The following CREB1 variants were observed in gnomAD, a reference collection of about 807,000 sequenced individuals.
CREB1 encodes the protein cyclic AMP-responsive element-binding protein 1.
Under a neutral mutation model 42.0 loss-of-function variants are expected in CREB1, and 2 were observed. The observed-to-expected ratio is 0.05, with a 90% confidence interval of 0.02 to 0.15. The LOEUF (loss-of-function observed/expected upper bound fraction) is 0.15, where lower values mean the gene tolerates loss of function less well. Among genes scored for constraint, CREB1 ranks in the 10% least tolerant of loss-of-function variants. The pLI is 1.00. For synonymous variants in CREB1, 123 were observed against 139.9 expected, an observed-to-expected ratio of 0.88 and a Z score of 0.85; for missense variants, 199 against 388.9, an observed-to-expected ratio of 0.51 and a Z score of 4.11.
At chr2:207,589,079 G>T (rs1360683130) in intron 7 of CREB1, among the ~76,000 whole-genome samples, 1 of 152,030 alleles carries the variant, frequency 6.6e-6, no homozygotes, top group Admixed American at 6.6e-5. Flanking sequence ...TTGATCTTAG[G>T]GGGTGTATTA....
rs1035007076 is a variant in CREB1 at position 207,605,948 on chromosome 2, T to A, written c.*8890T>A. 1.3e-5 allele frequency among the ~76,000 whole-genome samples: 2 copies of A among 152,260 alleles called. No homozygotes were observed. The highest frequency in any genetic ancestry group is 4.8e-5 in the African/African-American group (2 of 41,476). On this transcript the variant is annotated 3_prime_UTR_variant, in exon 8 of 8. Coordinates refer to ENST00000353267, the MANE Select transcript of CREB1 (RefSeq NM_004379.5). ...TATTTTTATGTCAAACTTTACAGTC[T>A]AGGCATTTTTTTCTGGAATTAAAAT... is the stretch of plus-strand genomic sequence containing the variant.
intron 7 of CREB1, among the ~76,000 whole-genome samples, chr2:207,585,311 G>A (rs962571645): frequency 3.3e-5 from 5 of 152,112 alleles, no homozygotes; most frequent in Non-Finnish European, 5.9e-5. Context: ...TGCCATGAGA[G>A]AATCATAGAT....
At chr2:207,576,241 C>CTTTTTTTTTTTTTTTTTTGTTTTTT (rs35735523) in intron 6 of CREB1, among the ~76,000 whole-genome samples, 2 of 101,078 alleles carry the variant, frequency 2.0e-5, no homozygotes, top group East Asian at 3.0e-4. Context: ...CTTTTTTTGG[C>CTTTTTTTTTTTTTTTTTTGTTTTTT]TTTTTTTTTT....
chr2:207,575,982 TTTATTA>T (rs528189417), intron 6 of CREB1, among the ~76,000 whole-genome samples: 7 of 127,648 alleles, frequency 5.5e-5, no homozygotes, highest in African/African-American at 2.0e-4. Context: ...ATCATCAGTT[TTTATTA>T]TTATTATTAT....
At chr2:207,556,533 A>C (rs2081730626) in intron 2 of CREB1, among the ~76,000 whole-genome samples, 1 of 152,222 alleles carries the variant, frequency 6.6e-6, no homozygotes. Context: ...TAGAGAAGTC[A>C]CCTAGCAAGA....
Position 207,602,977 on chromosome 2 carries a change from G to A in CREB1, c.*5919G>A, listed in dbSNP as rs373213291. 130 of 214,558 alleles carry A rather than the reference G, an allele frequency of 6.1e-4. 1 individual carries two copies. The East Asian group carries it at 8.5e-3, about 14-fold the overall frequency. 13.3% of individuals were successfully genotyped at this position (214,558 alleles called of 1,614,324 possible). A position where few individuals can be genotyped will look rare whatever the true frequency, so the allele number is the denominator to read the frequency against. The stretch of plus-strand genomic sequence containing the variant: ...AAATAATCAGGGAAGTTCCTAGAAA[G>A]GTGTTTGGCTTTTTGGTTTTTGAGG... On this transcript the variant is annotated 3_prime_UTR_variant, in exon 8 of 8. Transcript: ENST00000353267.
At chr2:207,538,052 T>C (rs1191798755) in intron 1 of CREB1, among the ~76,000 whole-genome samples, 1 of 152,200 alleles carries the variant, frequency 6.6e-6, no homozygotes, top group Non-Finnish European at 1.5e-5. Flanking sequence ...AATAATTTTG[T>C]GCATGAAACA....
At chr2:207,562,856 T>C (rs1043511536) in intron 3 of CREB1, among the ~76,000 whole-genome samples, 1 of 152,224 alleles carries the variant, frequency 6.6e-6, no homozygotes, top group Non-Finnish European at 1.5e-5. Flanking sequence ...ATTATTACTT[T>C]AAATTATCAT....
chr2:207,569,421 G>GT lies in CREB1; in HGVS notation c.363-750dup, dbSNP rs1038942419. On this transcript the variant is annotated intron_variant, in intron 4 of 7. Coordinates refer to ENST00000353267, the MANE Select transcript of CREB1 (RefSeq NM_004379.5). The stretch of plus-strand genomic sequence containing the variant: ...TGTGGTGTTTTTTGTTTTTGTTTTT[G>GT]TTTTTTTTGTAGCTTTGCTAACAGA... Among the ~76,000 whole-genome samples, 101 of 151,552 alleles carry GT rather than the reference G, an allele frequency of 6.7e-4. 3 individuals carry two copies. The highest frequency in any genetic ancestry group is 6.1e-3 in the Admixed American group (93 of 15,220).
intron 1 of CREB1, among the ~76,000 whole-genome samples, chr2:207,542,985 C>A (rs1354697365): frequency 6.6e-6 from 1 of 152,160 alleles, no homozygotes; most frequent in African/African-American, 2.4e-5. Flanking sequence ...CCCTTGGTAT[C>A]GATGGGGAAT....
intron 3 of CREB1, among the ~76,000 whole-genome samples, chr2:207,562,253 G>A (rs539059288): frequency 2.2e-4 from 33 of 152,266 alleles, no homozygotes; most frequent in South Asian, 1.0e-3. Flanking sequence ...ACATTAATAA[G>A]TCAAATGGCC....
At chr2:207,580,342 G>C (rs2082822093) in intron 7 of CREB1, among the ~76,000 whole-genome samples, 2 of 152,144 alleles carry the variant, frequency 1.3e-5, no homozygotes, top group Admixed American at 1.3e-4. Flanking sequence ...GTAGCCTAAG[G>C]AGGTGAACGT....
intron 2 of CREB1, among the ~76,000 whole-genome samples, chr2:207,557,770 TTTTTA>T (rs752374961): frequency 6.6e-6 from 1 of 151,934 alleles, no homozygotes; most frequent in African/African-American, 2.4e-5. Flanking sequence ...ATATAAAGGG[TTTTTA>T]TTTTATTTTT....
In CREB1 at chr2:207,577,732, C is replaced by T. The variant is rs748212108; in HGVS notation, c.839+77C>T. The T allele has an allele frequency of 3.3e-6, 5 of 1,534,986 alleles. No homozygotes were observed. In the East Asian group the frequency reaches 1.1e-4, roughly 35 times the overall value. ...TTCTGCTGGATGTGTATCTTTACATCTACTGGTAATAGGATCTTTGCATTG... is the reference window on the plus strand; with the variant it reads ...TTCTGCTGGATGTGTATCTTTACATTTACTGGTAATAGGATCTTTGCATTG... On this transcript the variant is annotated intron_variant, in intron 7 of 7. Coordinates refer to ENST00000353267, the MANE Select transcript of CREB1 (RefSeq NM_004379.5).
intron 3 of CREB1, among the ~76,000 whole-genome samples, chr2:207,562,535 T>G (rs1030178050): frequency 2.0e-5 from 3 of 152,180 alleles, no homozygotes; most frequent in African/African-American, 7.2e-5. Flanking sequence ...TTAAGGTCCA[T>G]TAAGGTGAGC....
chr2:207,540,718 T>C (rs2081068008), intron 1 of CREB1, among the ~76,000 whole-genome samples: 2 of 150,600 alleles, frequency 1.3e-5, no homozygotes, highest in African/African-American at 4.9e-5. Flanking sequence ...TTAGATTCTT[T>C]TATTGCTTTA....
chr2:207,593,061 T>C (rs376157653), intron 7 of CREB1, among the ~76,000 whole-genome samples: 1 of 152,346 alleles, frequency 6.6e-6, no homozygotes, highest in East Asian at 1.9e-4. Context: ...GTTCACTGAT[T>C]GTTTCCTCAG....
In CREB1 at chr2:207,604,993, G is replaced by T. The variant is rs1470553022; in HGVS notation, c.*7935G>T. 6.6e-6 allele frequency among the ~76,000 whole-genome samples: 1 copy of T among 152,134 alleles called. No individual in the cohort carries two copies. The highest frequency in any genetic ancestry group is 1.5e-5 in the Non-Finnish European group (1 of 68,012). ...GTTTATCGATTCATCCAGTTGAGTT[G>T]TTTCTACTGTTTGGCTAATGTTCAT... is the stretch of plus-strand genomic sequence containing the variant. On this transcript the variant is annotated 3_prime_UTR_variant, in exon 8 of 8. Coordinates refer to ENST00000353267, the MANE Select transcript of CREB1 (RefSeq NM_004379.5).
intron 1 of CREB1, among the ~76,000 whole-genome samples, chr2:207,533,913 G>T (rs1044227794): frequency 1.3e-5 from 2 of 152,170 alleles, no homozygotes; most frequent in African/African-American, 4.8e-5. Context: ...TTTGTGTCCT[G>T]AAGGAAGTTT....
Sources: gnomAD v4.1 joint callset for allele counts (sites outside exome capture counted in the v4.1 genomes callset) on GRCh38, gnomAD v4.1.1 for gene constraint, MANE v1.5 for transcripts, NCBI Gene and HGNC (gene_info 2026-07-23, HGNC 2026-07-21) for gene names.